SNRNP200: variants seen among roughly 807,000 people sequenced by gnomAD.
SNRNP200 encodes small nuclear ribonucleoprotein U5 subunit 200, also known as U5 small nuclear ribonucleoprotein 200 kDa helicase.
Under a neutral mutation model 255.2 loss-of-function variants are expected in SNRNP200, and 66 were observed. That is an observed-to-expected ratio of 0.26 (90% CI 0.21 to 0.32). SNRNP200 has a LOEUF of 0.32. Among genes scored for constraint, SNRNP200 ranks in the 10% least tolerant of loss-of-function variants. The pLI, the probability that SNRNP200 is intolerant of heterozygous loss-of-function variation, is 1.00. For synonymous variants in SNRNP200, 939 were observed against 1,027.8 expected, an observed-to-expected ratio of 0.91 and a Z score of 1.65; for missense variants, 1,585 against 2,749.8, an observed-to-expected ratio of 0.58 and a Z score of 9.47.
rs1419842922 is a variant in SNRNP200, at chr2:96,295,496, T to C, written c.1834A>G (p.Ile612Val). The change falls in exon 14 of 45, where the codon ATC becomes GTC. Residue 612 changes from isoleucine to valine, a missense_variant. Ile to Val is a conservative substitution (Grantham distance 29, BLOSUM62 3). Coordinates refer to ENST00000323853, the MANE Select transcript of SNRNP200 (RefSeq NM_014014.5). ...ERTYTQLVRL[I>V]ILDEIHLLHD... ...GACTGCTCCCAACTCACCAGAATGA[T>C]GAGCCGCACCAGCTGGGTGTAGGTG... is the stretch of plus-strand genomic sequence containing the variant. The C allele has an allele frequency of 6.2e-7, 1 of 1,613,500 alleles. No individual in the cohort carries two copies. Among genetic ancestry groups the C allele is most frequent in the African/African-American group, 1.3e-5 (1 of 74,862 alleles).
chr2:96,284,035 C>A, intron 31 of SNRNP200, 31 bp from the exon 32 acceptor site: 1 of 1,545,866 alleles, frequency 6.5e-7, no homozygotes, highest in Non-Finnish European at 8.8e-7. Flanking sequence ...AGGGTCACTG[C>A]AGGCCAAGGC....
At chr2:96,295,783 G>A (rs984688611) in intron 13 of SNRNP200, 125 bp from the exon 14 acceptor site, 16 of 938,044 alleles carry the variant, frequency 1.7e-5, no homozygotes, top group Admixed American at 1.0e-4. Flanking sequence ...AATACAAGGC[G>A]AATCAGATCT....
chr2:96,297,773 T>C, intron 9 of SNRNP200, 53 bp from the exon 10 acceptor site: 18 of 1,599,896 alleles, frequency 1.1e-5, no homozygotes, highest in Non-Finnish European at 1.5e-5. Context: ...TATCATAGGT[T>C]CTTGTCCTTT....
rs2104367880 is a variant in SNRNP200 at position 96,305,418 on chromosome 2, CG to C, written c.19del (p.Arg7ValfsTer78). On this transcript the variant is annotated frameshift_variant, in exon 1 of 45. Transcript: ENST00000323853. LOFTEE classifies it high-confidence loss of function. Reference sequence around the variant, plus strand: ...CGCCTTGTACTCGTATTGCAGACTACGGGCGGTTACATCCGCCATGGCCGCG... The same window carrying C: ...CGCCTTGTACTCGTATTGCAGACTACGGCGGTTACATCCGCCATGGCCGCG... MADVTARSLQYEYKANS... is the reference protein window; with the variant it reads MADVTAXSLQYEYKANS... The C allele has an allele frequency of 6.2e-7, 1 of 1,614,126 alleles. No individual in the cohort carries two copies. The highest frequency in any genetic ancestry group is 1.1e-5 in the South Asian group (1 of 91,080).
In SNRNP200 at chr2:96,292,240, T is replaced by C. The variant is rs186420685; in HGVS notation, c.2161-340A>G. ...CAAGAGTCAAAGCTGCATGAAAATGTGTCTGCAAAATAACAACTAAAACAT... is the reference window on the plus strand; with the variant it reads ...CAAGAGTCAAAGCTGCATGAAAATGCGTCTGCAAAATAACAACTAAAACAT... On this transcript the variant is annotated intron_variant, in intron 16 of 44. Coordinates refer to ENST00000323853, the MANE Select transcript of SNRNP200 (RefSeq NM_014014.5). Among the ~76,000 whole-genome samples, 23 of 152,370 alleles carry C rather than the reference T, an allele frequency of 1.5e-4. No homozygotes were observed. In the East Asian group the frequency reaches 4.2e-3, roughly 28 times the overall value.
rs1214696758 is a variant in SNRNP200 at position 96,278,250 on chromosome 2, T to C, written c.5597A>G (p.Asn1866Ser). 1.2e-6 allele frequency: 2 copies of C among 1,614,136 alleles called. No homozygotes were observed. The highest frequency in any genetic ancestry group is 1.3e-5 in the African/African-American group (1 of 75,024). The change falls in exon 39 of 45, where the codon AAT becomes AGT. Residue 1866 changes from asparagine (N) to serine (S), a missense_variant. Transcript: ENST00000323853. This position sits in a 1 kb window ranked among gnomAD's most constrained non-coding sequence, Gnocchi z 6.9. Reference sequence around the variant, plus strand: ...TGCTGTCCTCACCTGCCTCAGGAGATTGTCTTCATGGTGCCGGATGGGAAT... The same window carrying C: ...TGCTGTCCTCACCTGCCTCAGGAGACTGTCTTCATGGTGCCGGATGGGAAT... ...ENIPIRHHED[N>S]LLRQLAQKVP...
intron 34 of SNRNP200, chr2:96,282,557 G>A (rs1159787067): frequency 1.1e-5 from 2 of 179,200 alleles, no homozygotes; most frequent in African/African-American, 4.8e-5. Context: ...AGTGTTGGAG[G>A]AAGGGCCTGG....
In SNRNP200 at chr2:96,274,952, AT is replaced by A; in HGVS notation, c.*59del. On this transcript the variant is annotated 3_prime_UTR_variant, in exon 45 of 45. Coordinates refer to ENST00000323853, the MANE Select transcript of SNRNP200 (RefSeq NM_014014.5). ...GGTCCCCACAACCAGGATTCCTACA[AT>A]GTACACATTCCTAATTCAGGCTCAA... 1.2e-6 allele frequency: 2 copies of A among 1,600,010 alleles called. No individual in the cohort carries two copies. The highest frequency in any genetic ancestry group is 1.7e-6 in the Non-Finnish European group (2 of 1,169,500).
intron 2 of SNRNP200, among the ~76,000 whole-genome samples, chr2:96,304,423 T>C (rs1025533552): frequency 6.6e-6 from 1 of 152,060 alleles, no homozygotes; most frequent in Admixed American, 6.5e-5. Flanking sequence ...TACTGGGACA[T>C]AGGAATAGCA....
At chr2:96,292,658 C>T (rs2063891370) in intron 16 of SNRNP200, among the ~76,000 whole-genome samples, 1 of 152,180 alleles carries the variant, frequency 6.6e-6, no homozygotes, top group Non-Finnish European at 1.5e-5. Flanking sequence ...AATTCTCCAA[C>T]TCTCTAATAG....
rs1371190227 is a variant in SNRNP200, at chr2:96,286,423, AG to A, written c.3890del (p.Pro1297LeufsTer16). 1 of 1,614,008 alleles carries A rather than the reference AG, an allele frequency of 6.2e-7. No individual in the cohort carries two copies. The highest frequency in any genetic ancestry group is 8.5e-7 in the Non-Finnish European group (1 of 1,180,014). On this transcript the variant is annotated frameshift_variant, in exon 29 of 45. Transcript: ENST00000323853. LOFTEE classifies it high-confidence loss of function. The surrounding 1 kb of genome is among the most constrained non-coding windows in gnomAD (Gnocchi z 4.8). ...GCTGCAGGTCCAAAAGTTCGGTTGG[AG>A]GGGGGTACTTCTCCGGCAAGATCAG... Reference protein sequence around the residue: ...RHLILPEKYPPPTELLDLQPL... With the variant: ...RHLILPEKYPXPTELLDLQPL...
At position 96,277,710 on chromosome 2, in the gene SNRNP200, G is replaced by T; in HGVS notation, c.5760C>A (p.Ile1920=). The stretch of plus-strand genomic sequence containing the variant: ...CATCCACGCAGGCCTGGATGAGCCG[G>T]ATTGCCTGAACAGGAAAAGGAGTAT... ...SDTEEILSKA[I]RLIQACVDVL... Residue 1920 remains isoleucine, a synonymous_variant, in exon 41 of 45, where the codon ATC becomes ATA. Coordinates refer to ENST00000323853, the MANE Select transcript of SNRNP200 (RefSeq NM_014014.5). The surrounding 1 kb of genome is among the most constrained non-coding windows in gnomAD (Gnocchi z 4.4). 6.2e-7 allele frequency: 1 copy of T among 1,614,140 alleles called. No individual in the cohort carries two copies. The highest frequency in any genetic ancestry group is 8.5e-7 in the Non-Finnish European group (1 of 1,180,032).
Position 96,284,731 on chromosome 2 carries a change from G to A in SNRNP200, c.4165-146C>T. ...AATCCCATAGCAGCCTCTATGCGAT[G>A]CGATGGGGCAGCTTTTTCTTTTTTT... On this transcript the variant is annotated intron_variant, in intron 30 of 44. Transcript: ENST00000323853. The A allele has an allele frequency of 3.0e-6, 2 of 665,406 alleles. 1 individual carries two copies. Among genetic ancestry groups the A allele is most frequent in the Non-Finnish European group, 5.3e-6 (2 of 374,610 alleles). The allele number at this position is 665,406 out of a possible 1,614,324, so 41.2% of individuals were successfully genotyped here.
rs1466524383 is a variant in SNRNP200, at chr2:96,301,579, C to T, written c.519G>A (p.Val173=). ...QTDDTRYHVL[V]NLGKKITDYG... ...AGTCTGTGATCTTTTTGCCCAGGTT[C>T]ACTAGCACATGGTATCTGGTATCAT... Residue 173 remains valine (V), a synonymous_variant, in exon 4 of 45, where the codon GTG becomes GTA. Transcript: ENST00000323853. 7 of 1,614,088 alleles carry T rather than the reference C, an allele frequency of 4.3e-6. No individual in the cohort carries two copies. Among genetic ancestry groups the T allele is most frequent in the Non-Finnish European group, 5.9e-6 (7 of 1,180,062 alleles).
At chr2:96,281,188 T>C (rs1291121806) in intron 35 of SNRNP200, 4 of 130,554 alleles carry the variant, frequency 3.1e-5, no homozygotes, top group African/African-American at 8.8e-5. Flanking sequence ...TTTTTTTGAG[T>C]TGGAGTCTCA....
chr2:96,296,462 T>C, intron 13 of SNRNP200, 74 bp downstream of exon 13: 3 of 1,475,970 alleles, frequency 2.0e-6, no homozygotes, highest in Admixed American at 3.5e-5. Flanking sequence ...CAAGAAGCGG[T>C]GAGGTCCAGG....
At chr2:96,304,379 AG>A (rs2063974066) in intron 2 of SNRNP200, among the ~76,000 whole-genome samples, 1 of 152,252 alleles carries the variant, frequency 6.6e-6, no homozygotes, top group South Asian at 2.1e-4. Context: ...AAGTAGGGGT[AG>A]GAAGTTAGTA....
Position 96,277,363 on chromosome 2 carries a change from A to T in SNRNP200, c.5932-122T>A. On this transcript the variant is annotated intron_variant, in intron 41 of 44. Transcript: ENST00000323853. The surrounding 1 kb of genome is among the most constrained non-coding windows in gnomAD (Gnocchi z 4.4). ...CAAGTCATCTAGATAAAACAGCTGC[A>T]GAAAGAACACAGCCCACAGTTGGCA... 7.7e-6 allele frequency: 10 copies of T among 1,304,540 alleles called. No individual in the cohort carries two copies. The highest frequency in any genetic ancestry group is 1.1e-5 in the Non-Finnish European group (10 of 907,230). 80.8% of individuals were successfully genotyped at this position (1,304,540 alleles called of 1,614,324 possible).
At position 96,277,733 on chromosome 2, in the gene SNRNP200, T is replaced by C. The variant is rs1238835351; in HGVS notation, c.5755-18A>G. The C allele has an allele frequency of 1.2e-6, 2 of 1,613,540 alleles. No homozygotes were observed. Among genetic ancestry groups the C allele is most frequent in the Non-Finnish European group, 1.7e-6 (2 of 1,179,914 alleles). On this transcript the variant is annotated intron_variant, in intron 40 of 44. Transcript: ENST00000323853. The surrounding 1 kb of genome is among the most constrained non-coding windows in gnomAD (Gnocchi z 4.4). ...CGGATTGCCTGAACAGGAAAAGGAG[T>C]ATAAAAGTGGGCGGAGTTGGAGCTG...
Sources: gnomAD v4.1 joint callset for allele counts (sites outside exome capture counted in the v4.1 genomes callset) on GRCh38, gnomAD v4.1.1 for gene constraint, Gnocchi (gnomAD v3.1) non-coding constraint, MANE v1.5 for transcripts, NCBI Gene and HGNC (gene_info 2026-07-23, HGNC 2026-07-21) for gene names.